TASP1: variants seen among roughly 807,000 people sequenced by gnomAD.
The protein encoded by TASP1 is threonine aspartase 1.
TASP1 carries 16 observed loss-of-function variants against 56.6 expected under a neutral mutation model. That is an observed-to-expected ratio of 0.28 (90% CI 0.19 to 0.43). The LOEUF (loss-of-function observed/expected upper bound fraction) is 0.43, where lower values mean the gene tolerates loss of function less well. Among genes scored for constraint, TASP1 ranks in the 20% least tolerant of loss-of-function variants. TASP1 has a pLI of 1.00. For synonymous variants in TASP1, 179 were observed against 184.2 expected (o/e 0.97, Z 0.23); for missense variants, 393 against 511.6 (o/e 0.77, Z 2.24).
At chr20:13,473,202 C>G (rs1022547088) in intron 11 of TASP1, among the ~76,000 whole-genome samples, 2 of 152,072 alleles carry the variant, frequency 1.3e-5, no homozygotes, top group Admixed American at 6.6e-5. Flanking sequence ...ATGGATGAAG[C>G]TGGAAACCAT....
intron 13 of TASP1, among the ~76,000 whole-genome samples, chr20:13,412,910 G>T (rs533267811): frequency 1.3e-5 from 2 of 152,064 alleles, no homozygotes; most frequent in Non-Finnish European, 2.9e-5. Flanking sequence ...TTGCTTCCTC[G>T]TTCTTATCAT....
At chr20:13,475,282 TATC>T (rs1412099351) in intron 11 of TASP1, among the ~76,000 whole-genome samples, 33 of 152,352 alleles carry the variant, frequency 2.2e-4, no homozygotes, top group African/African-American at 7.9e-4. Context: ...CTAACTTAAG[TATC>T]ATGATTTTAA....
the TASP1 span, among the ~76,000 whole-genome samples, chr20:13,183,978 G>A: frequency 2.7e-5 from 4 of 148,332 alleles, no homozygotes; most frequent in African/African-American, 1.0e-4. Flanking sequence ...GCAGTGAGTC[G>A]AGATCACGCC....
chr20:13,585,128 A>C (rs1189203184), intron 5 of TASP1, among the ~76,000 whole-genome samples: 1 of 152,304 alleles, frequency 6.6e-6, no homozygotes, highest in East Asian at 1.9e-4. Context: ...CTTTCAATAG[A>C]GGGCAATGGA....
At chr20:13,377,715 G>C in the TASP1 span, among the ~76,000 whole-genome samples, 1 of 151,854 alleles carries the variant, frequency 6.6e-6, no homozygotes, top group African/African-American at 2.4e-5. Context: ...GGTTTTTTTT[G>C]GTTGGTAGGC....
At chr20:13,580,718 A>C (rs914553658) in intron 6 of TASP1, among the ~76,000 whole-genome samples, 179 bp downstream of exon 6, 1 of 152,190 alleles carries the variant, frequency 6.6e-6, no homozygotes. Context: ...TTCTGCTTTA[A>C]TCCATAATAT....
chr20:13,312,999 C>T, the TASP1 span, among the ~76,000 whole-genome samples: 1 of 152,090 alleles, frequency 6.6e-6, no homozygotes, highest in African/African-American at 2.4e-5. Flanking sequence ...AAATTTGAGC[C>T]TCATCTGCGC....
At chr20:13,229,024 C>T in the TASP1 span, among the ~76,000 whole-genome samples, 34 of 152,108 alleles carry the variant, frequency 2.2e-4, no homozygotes, top group African/African-American at 8.2e-4. Flanking sequence ...TGCCCTCAGC[C>T]TTTTCTCCTA....
chr20:13,187,730 C>T, the TASP1 span, among the ~76,000 whole-genome samples: 2 of 56,814 alleles, frequency 3.5e-5, no homozygotes, highest in Admixed American at 5.9e-4. Flanking sequence ...GAGACTCCAT[C>T]TCAAAAAAAA....
At chr20:13,430,397 G>A (rs1350585478) in intron 12 of TASP1, among the ~76,000 whole-genome samples, 1 of 152,182 alleles carries the variant, frequency 6.6e-6, no homozygotes, top group African/African-American at 2.4e-5. Flanking sequence ...GCCATAGACT[G>A]CTGTCACCTG....
At chr20:13,437,394 C>T (rs2043041950) in intron 11 of TASP1, among the ~76,000 whole-genome samples, 1 of 152,254 alleles carries the variant, frequency 6.6e-6, no homozygotes, top group African/African-American at 2.4e-5. Context: ...AAATCCACAG[C>T]CAATATTGTA....
At chr20:13,183,746 T>C in the TASP1 span, among the ~76,000 whole-genome samples, 2 of 152,260 alleles carry the variant, frequency 1.3e-5, no homozygotes, top group Admixed American at 1.3e-4. Flanking sequence ...AGTAAAATAG[T>C]GGACCGGGCG....
intron 3 of TASP1, among the ~76,000 whole-genome samples, chr20:13,624,103 G>A (rs985062127): frequency 4.6e-5 from 7 of 152,066 alleles, no homozygotes; most frequent in African/African-American, 1.7e-4. Flanking sequence ...GCATAAATTA[G>A]GAGAGGAAAA....
chr20:13,187,732 CAAAAAAAAAAAAAA>C, the TASP1 span, among the ~76,000 whole-genome samples: 2 of 57,154 alleles, frequency 3.5e-5, no homozygotes, highest in Non-Finnish European at 6.2e-5. Context: ...GACTCCATCT[CAAAAAAAAAAAAAA>C]AAAAAAAAAA....
intron 12 of TASP1, among the ~76,000 whole-genome samples, chr20:13,419,303 G>A (rs1342882668): frequency 6.7e-6 from 1 of 149,356 alleles, no homozygotes; most frequent in Non-Finnish European, 1.5e-5. Context: ...TGCATGTAGA[G>A]GGAGGAGGGC....
At chr20:13,259,818 T>TG in the TASP1 span, among the ~76,000 whole-genome samples, 1 of 152,252 alleles carries the variant, frequency 6.6e-6, no homozygotes, top group African/African-American at 2.4e-5. Flanking sequence ...TTAAATACTT[T>TG]GGGGCAGGCC....
At chr20:13,309,256 G>T in the TASP1 span, among the ~76,000 whole-genome samples, 1 of 151,610 alleles carries the variant, frequency 6.6e-6, no homozygotes, top group East Asian at 1.9e-4. Flanking sequence ...GTGGAGGAGG[G>T]GATACTTTAG....
the TASP1 span, among the ~76,000 whole-genome samples, chr20:13,220,089 G>A: frequency 2.0e-5 from 3 of 152,302 alleles, no homozygotes; most frequent in African/African-American, 4.8e-5. Flanking sequence ...GTGCGACGCG[G>A]CTGTGTGCGA....
the TASP1 span, among the ~76,000 whole-genome samples, chr20:13,203,751 CCTA>C: frequency 6.6e-6 from 1 of 152,080 alleles, no homozygotes; most frequent in African/African-American, 2.4e-5. Flanking sequence ...AGTTTATATG[CCTA>C]TAAAAACCAC....
Sources: allele counts gnomAD v4.1 joint callset (sites outside exome capture counted in the v4.1 genomes callset), GRCh38; gene constraint gnomAD v4.1.1; transcripts MANE v1.5; gene names NCBI Gene and HGNC (gene_info 2026-07-23, HGNC 2026-07-21).